Variants in PTPRT observed in about 807,000 individuals in gnomAD.
PTPRT encodes protein tyrosine phosphatase receptor type T.
In PTPRT, 56 loss-of-function variants were observed where a neutral mutation model predicts 176.8. The ratio of observed to expected loss-of-function variants is 0.32; its 90% CI spans 0.26 to 0.40. The LOEUF is 0.40. Among genes scored for constraint, PTPRT ranks in the 10% least tolerant of loss-of-function variants. The pLI is 1.00. For missense variants in PTPRT, 1,540 were observed against 1,908.2 expected (o/e 0.81, Z 3.60); for synonymous variants, 783 against 739.0 (o/e 1.06, Z -0.96).
chr20:42,146,893 G>A (rs1199919277), intron 17 of PTPRT, among the ~76,000 whole-genome samples: 8 of 152,026 alleles, frequency 5.3e-5, no homozygotes, highest in East Asian at 3.9e-4. Flanking sequence ...AAGACTTTTC[G>A]CATGCTGTTC....
At chr20:42,236,280 GA>G in intron 14 of PTPRT, 22 bp from the exon 15 acceptor site, 1 of 1,571,886 alleles carries the variant, frequency 6.4e-7, no homozygotes, top group African/African-American at 1.4e-5. Context: ...TGGGCAGTCA[GA>G]TGAAGGAAAT....
intron 9 of PTPRT, among the ~76,000 whole-genome samples, chr20:42,388,936 C>T (rs1171291280): frequency 2.6e-5 from 4 of 152,182 alleles, no homozygotes; most frequent in Non-Finnish European, 4.4e-5. Context: ...CCGTGGAATA[C>T]TATGCAGCCA....
intron 2 of PTPRT, among the ~76,000 whole-genome samples, chr20:42,852,395 T>G (rs576198088): frequency 1.3e-5 from 2 of 152,316 alleles, no homozygotes; most frequent in East Asian, 3.9e-4. Context: ...CTGTTATGAT[T>G]GGGTTTTTCT....
At chr20:42,557,432 G>C (rs1210540560) in intron 7 of PTPRT, among the ~76,000 whole-genome samples, 2 of 152,078 alleles carry the variant, frequency 1.3e-5, no homozygotes, top group Non-Finnish European at 1.5e-5. Context: ...GCCAGAGACA[G>C]GTCATGGGCA....
intron 16 of PTPRT, among the ~76,000 whole-genome samples, chr20:42,171,349 T>C (rs981552947): frequency 6.6e-6 from 1 of 152,214 alleles, no homozygotes; most frequent in Non-Finnish European, 1.5e-5. Context: ...GAATGAACTA[T>C]AAGAGGTAAT....
At chr20:42,490,002 T>C (rs1484870444) in intron 7 of PTPRT, among the ~76,000 whole-genome samples, 2 of 152,228 alleles carry the variant, frequency 1.3e-5, no homozygotes, top group African/African-American at 2.4e-5. Flanking sequence ...TTGCTTACTA[T>C]TCAGTCCAGT....
chr20:42,409,635 T>C (rs2058994813), intron 9 of PTPRT, among the ~76,000 whole-genome samples: 1 of 152,242 alleles, frequency 6.6e-6, no homozygotes, highest in Non-Finnish European at 1.5e-5. Context: ...TGTGTCTCTA[T>C]TTTGTTTCTG....
At chr20:42,276,666 T>TG (rs537572734) in intron 13 of PTPRT, among the ~76,000 whole-genome samples, 15 of 150,140 alleles carry the variant, frequency 1.0e-4, no homozygotes, top group African/African-American at 2.7e-4. Flanking sequence ...AGCTAAATTT[T>TG]GGGGGACAGG....
At chr20:42,861,806 G>GAGCCTTCGGCAAGTGAAA (rs2078666248) in intron 2 of PTPRT, among the ~76,000 whole-genome samples, 1 of 152,204 alleles carries the variant, frequency 6.6e-6, no homozygotes, top group East Asian at 1.9e-4. Flanking sequence ...TTGCTGAGAA[G>GAGCCTTCGGCAAGTGAAA]AGCCTTCGGC....
chr20:42,409,566 A>G (rs1235007887), intron 9 of PTPRT, among the ~76,000 whole-genome samples: 2 of 151,690 alleles, frequency 1.3e-5, no homozygotes, highest in Admixed American at 6.6e-5. Flanking sequence ...GCATTATAAA[A>G]GTGCCAATAG....
intron 1 of PTPRT, among the ~76,000 whole-genome samples, chr20:42,917,113 T>G (rs1978819821): frequency 6.6e-6 from 1 of 152,236 alleles, no homozygotes; most frequent in African/African-American, 2.4e-5. Context: ...TTTAAGTCTT[T>G]AATCCATCTT....
At chr20:42,253,415 T>G (rs11907530) in intron 13 of PTPRT, among the ~76,000 whole-genome samples, 8,537 of 152,222 alleles carry the variant, frequency 0.056, 770 homozygotes, top group African/African-American at 0.19. Context: ...ACACCTGCGT[T>G]ACTTTTACCC....
intron 7 of PTPRT, among the ~76,000 whole-genome samples, chr20:42,651,668 G>A (rs1238131511): frequency 6.6e-6 from 1 of 152,100 alleles, no homozygotes; most frequent in Admixed American, 6.5e-5. Context: ...CTTCATCTAG[G>A]TTCAAAGTTT....
rs541027580 is a variant in PTPRT, at chr20:42,079,901, G to C, written c.*978C>G. On this transcript the variant is annotated 3_prime_UTR_variant, in exon 31 of 31. Transcript: ENST00000373187. ...TAAAAGGCCCGAGAGATTTGTCTTAGAGGTACATACTCAAACTCCCCCGCC... is the reference window on the plus strand; with the variant it reads ...TAAAAGGCCCGAGAGATTTGTCTTACAGGTACATACTCAAACTCCCCCGCC... 7 of 232,530 alleles carry C rather than the reference G, an allele frequency of 3.0e-5. No individual in the cohort carries two copies. The highest frequency in any genetic ancestry group is 1.5e-4 in the African/African-American group (7 of 45,396). The allele number at this position is 232,530 out of a possible 1,614,324, so 14.4% of individuals were successfully genotyped here. A position where few individuals can be genotyped will look rare whatever the true frequency, so the allele number is the denominator to read the frequency against.
At chr20:42,441,906 A>G (rs190487179) in intron 9 of PTPRT, among the ~76,000 whole-genome samples, 3 of 152,284 alleles carry the variant, frequency 2.0e-5, no homozygotes, top group Non-Finnish European at 2.9e-5. Flanking sequence ...ATCCAGTTTG[A>G]ATTATGCAAA....
chr20:42,814,356 C>G (rs975333062), intron 2 of PTPRT, among the ~76,000 whole-genome samples: 4 of 152,118 alleles, frequency 2.6e-5, no homozygotes, highest in Admixed American at 2.6e-4. Context: ...ACGCAAATAT[C>G]TGAGTCACAC....
At chr20:42,529,118 A>G in intron 7 of PTPRT, among the ~76,000 whole-genome samples, 1 of 152,364 alleles carries the variant, frequency 6.6e-6, no homozygotes, top group East Asian at 1.9e-4. Context: ...AACGTGCTCA[A>G]GTTTCACTAC....
chr20:43,016,739 T>C (rs1484168391), intron 1 of PTPRT, among the ~76,000 whole-genome samples: 2 of 151,960 alleles, frequency 1.3e-5, no homozygotes, highest in Non-Finnish European at 2.9e-5. Flanking sequence ...GATTTCACTA[T>C]GTTGGCCAGG....
At chr20:42,371,042 C>G (rs1039660543) in intron 9 of PTPRT, among the ~76,000 whole-genome samples, 1 of 152,242 alleles carries the variant, frequency 6.6e-6, no homozygotes, top group African/African-American at 2.4e-5. Flanking sequence ...ACCTTCCCTG[C>G]TCAAGTCCAA....
Sources: gnomAD v4.1 joint callset for allele counts (sites outside exome capture counted in the v4.1 genomes callset) on GRCh38, gnomAD v4.1.1 for gene constraint, MANE v1.5 for transcripts, NCBI Gene and HGNC (gene_info 2026-07-23, HGNC 2026-07-21) for gene names.